ACTR3C: variants seen among roughly 807,000 people sequenced by gnomAD.
ACTR3C encodes actin-related protein 3C.
A neutral mutation model predicts 26.3 loss-of-function variants in ACTR3C; 18 were observed. The ratio of observed to expected loss-of-function variants is 0.68; its 90% CI spans 0.47 to 1.01. The LOEUF (loss-of-function observed/expected upper bound fraction) is 1.01, where lower values mean the gene tolerates loss of function less well. Ranked by LOEUF, ACTR3C falls within the 50% of genes least tolerant of loss-of-function variation. The pLI is 0.00. For synonymous variants in ACTR3C, 55 were observed against 94.5 expected, an observed-to-expected ratio of 0.58 and a Z score of 2.42; for missense variants, 184 against 250.7, an observed-to-expected ratio of 0.73 and a Z score of 1.80.
the ACTR3C span, among the ~76,000 whole-genome samples, chr7:150,205,601 A>G: frequency 6.6e-6 from 1 of 152,294 alleles, no homozygotes; most frequent in South Asian, 2.1e-4. Flanking sequence ...GATACAATAC[A>G]GTAACACTTC....
the ACTR3C span, among the ~76,000 whole-genome samples, chr7:149,966,774 C>T: frequency 6.6e-6 from 1 of 152,158 alleles, no homozygotes; most frequent in African/African-American, 2.4e-5. Context: ...ATGTCACACA[C>T]CCCTCACTAG....
chr7:150,054,407 T>C, the ACTR3C span, among the ~76,000 whole-genome samples: 3 of 152,376 alleles, frequency 2.0e-5, no homozygotes, highest in Admixed American at 1.3e-4. Flanking sequence ...GTGGACATGA[T>C]GCAGGCAGAG....
chr7:149,957,806 T>C, the ACTR3C span, among the ~76,000 whole-genome samples: 1 of 151,946 alleles, frequency 6.6e-6, no homozygotes, highest in Non-Finnish European at 1.5e-5. Context: ...ATTGGTTCTG[T>C]TCCTCTGGAG....
chr7:149,918,853 G>A, the ACTR3C span, among the ~76,000 whole-genome samples: 1 of 152,200 alleles, frequency 6.6e-6, no homozygotes, highest in Non-Finnish European at 1.5e-5. Context: ...CTGAGAACGA[G>A]CCCAACACAC....
Position 150,280,818 on chromosome 7 carries a change from G to GTA in ACTR3C, c.564+3933_564+3934dup, listed in dbSNP as rs1175868519. 8.4e-3 allele frequency among the ~76,000 whole-genome samples: 1,179 copies of GTA among 141,028 alleles called. 18 individuals carry two copies. The highest frequency in any genetic ancestry group is 0.032 in the African/African-American group (1,090 of 34,296). The allele number at this position is 141,028 out of a possible 152,430, so 92.5% of individuals were successfully genotyped here. A position where few individuals can be genotyped will look rare whatever the true frequency, so the allele number is the denominator to read the frequency against. ...TCTTGATGTGTGTGTGTGTGTGTGT[G>GTA]TATATATATATACACACACACACAA... On this transcript the variant is annotated intron_variant, in intron 6 of 7. Coordinates refer to ENST00000683684, the MANE Select transcript of ACTR3C (RefSeq NM_001164458.2).
chr7:150,050,734 G>A, the ACTR3C span, among the ~76,000 whole-genome samples: 4 of 151,996 alleles, frequency 2.6e-5, no homozygotes, highest in African/African-American at 9.7e-5. Context: ...CAGATGGAGC[G>A]CCCTTTACCC....
At chr7:150,035,456 C>CT in the ACTR3C span, among the ~76,000 whole-genome samples, 1 of 93,960 alleles carries the variant, frequency 1.1e-5, no homozygotes, top group Non-Finnish European at 2.4e-5. Context: ...GGGGGTGCCT[C>CT]CCCCGTTGCG....
In ACTR3C at chr7:150,286,461, T is replaced by G; in HGVS notation, c.377A>C (p.Gln126Pro). 1 of 1,612,980 alleles carries G rather than the reference T, an allele frequency of 6.2e-7. No homozygotes were observed. The highest frequency in any genetic ancestry group is 1.1e-5 in the South Asian group (1 of 90,922). Residue 126 changes from glutamine to proline, a missense_variant, in exon 5 of 8, where the codon CAG (glutamine) becomes CCG (proline). Gln to Pro is a moderately conservative substitution (Grantham distance 76). Transcript: ENST00000683684. ...YDVDPQKWIK[Q>P]YTGINAINQK... ...GTTGATCGCATTGATACCCGTGTAC[T>G]GTTTGATCCACTTCTGGGGATCCAC...
At chr7:150,148,470 C>A in the ACTR3C span, among the ~76,000 whole-genome samples, 5 of 152,054 alleles carry the variant, frequency 3.3e-5, 1 homozygote, top group Admixed American at 3.3e-4. Context: ...GAGCAAGACA[C>A]TGTCTCGGGC....
the ACTR3C span, among the ~76,000 whole-genome samples, chr7:149,949,499 T>C: frequency 1.4e-5 from 2 of 147,896 alleles, 1 homozygote; most frequent in Admixed American, 1.3e-4. Context: ...AACAGTTTGA[T>C]AGATTCCATT....
chr7:150,286,879 A>G (rs71537935), intron 4 of ACTR3C, among the ~76,000 whole-genome samples: 26,352 of 150,262 alleles, frequency 0.18, 3,120 homozygotes, highest in African/African-American at 0.32. Context: ...GATGCCTCCT[A>G]TGGCCTGCTC....
the ACTR3C span, among the ~76,000 whole-genome samples, chr7:150,054,212 A>G: frequency 6.6e-6 from 1 of 152,320 alleles, no homozygotes; most frequent in Non-Finnish European, 1.5e-5. Flanking sequence ...CTCATCTTTG[A>G]GTTCTAAATG....
the ACTR3C span, among the ~76,000 whole-genome samples, chr7:149,906,545 C>T: frequency 1.3e-5 from 2 of 150,450 alleles, no homozygotes; most frequent in Non-Finnish European, 3.0e-5. Context: ...GAGTCTCCTG[C>T]CTCAGCCTCC....
intron 1 of ACTR3C, 109 bp downstream of exon 1, chr7:150,323,360 C>G (rs539969493): frequency 2.4e-4 from 68 of 283,936 alleles, no homozygotes; most frequent in African/African-American, 1.4e-3. Flanking sequence ...TCCGGGAGCT[C>G]AGGCCTGCGG....
the ACTR3C span, among the ~76,000 whole-genome samples, chr7:150,212,833 G>A: frequency 6.6e-6 from 1 of 151,826 alleles, no homozygotes; most frequent in Admixed American, 6.6e-5. Context: ...ATAATGGAAT[G>A]TGCCAAAACC....
the ACTR3C span, among the ~76,000 whole-genome samples, chr7:150,056,167 T>C: frequency 7.2e-5 from 11 of 152,310 alleles, no homozygotes; most frequent in East Asian, 2.1e-3. Flanking sequence ...CACAGGTGCA[T>C]GTTTAATATT....
At chr7:150,029,418 CA>C in the ACTR3C span, among the ~76,000 whole-genome samples, 28 of 17,404 alleles carry the variant, frequency 1.6e-3, no homozygotes, top group Admixed American at 3.7e-3. Flanking sequence ...AAAAAAAAAA[CA>C]AACAAAAAAA....
the ACTR3C span, among the ~76,000 whole-genome samples, chr7:150,122,402 A>AG: frequency 1.3e-5 from 2 of 152,240 alleles, no homozygotes; most frequent in African/African-American, 4.8e-5. Flanking sequence ...CAAGAAAAAA[A>AG]CAACCCCATC....
At chr7:149,906,412 C>CTTTTTTTTT in the ACTR3C span, among the ~76,000 whole-genome samples, 2 of 72,100 alleles carry the variant, frequency 2.8e-5, no homozygotes, top group South Asian at 7.2e-4. Flanking sequence ...GGGTTTGTTT[C>CTTTTTTTTT]TTTTTTTTTT....
Sources: gnomAD v4.1 joint callset for allele counts (sites outside exome capture counted in the v4.1 genomes callset) on GRCh38, gnomAD v4.1.1 for gene constraint, MANE v1.5 for transcripts, NCBI Gene and HGNC (gene_info 2026-07-23, HGNC 2026-07-21) for gene names.